ABCB5: variants seen among roughly 807,000 people sequenced by gnomAD.
ABCB5 encodes the protein ATP binding cassette subfamily B member 5, also known as ATP-binding cassette sub-family B member 5.
In ABCB5, 155 loss-of-function variants were observed where a neutral mutation model predicts 144.2. The observed-to-expected ratio is 1.08, with a 90% CI of 0.94 to 1.23. ABCB5 has a LOEUF of 1.23. ABCB5 is among the 50% of genes most tolerant of loss of function. ABCB5 has a pLI of 0.00. For missense variants in ABCB5, 1,830 were observed against 1,520.8 expected (o/e 1.20, Z -3.38); for synonymous variants, 610 against 528.6 (o/e 1.15, Z -2.11).
intron 16 of ABCB5, among the ~76,000 whole-genome samples, chr7:20,694,765 A>G (rs1470595438): frequency 6.6e-6 from 1 of 152,046 alleles, no homozygotes; most frequent in African/African-American, 2.4e-5. Context: ...ATATGTGACA[A>G]TATACTAAAA....
chr7:20,681,600 G>A lies in ABCB5; in HGVS notation c.1803G>A (p.Ala601=), dbSNP rs60403688. ...LIVTLKDGML[A]EKGAHAELMA... ...TGACCCTAAAGGATGGAATGCTGGC[G>A]GAGAAAGGAGCACATGCTGAACTAA... The change falls in exon 15 of 28, where the codon GCG becomes GCA. Residue 601 remains alanine, a synonymous_variant. Coordinates refer to ENST00000404938, the MANE Select transcript of ABCB5 (RefSeq NM_001163941.2). 2,066 of 1,614,140 alleles carry A rather than the reference G, an allele frequency of 1.3e-3. 14 individuals carry two copies. The African/African-American group carries it at 0.024, about 19-fold the overall frequency.
In ABCB5 at chr7:20,632,127, A is replaced by C. The variant is rs1316400186; in HGVS notation, c.314+14A>C. 1.3e-6 allele frequency: 2 copies of C among 1,486,528 alleles called. No homozygotes were observed. Among genetic ancestry groups the C allele is most frequent in the South Asian group, 1.3e-5 (1 of 76,018 alleles). 92.1% of individuals were successfully genotyped at this position (1,486,528 alleles called of 1,614,324 possible). A position where few individuals can be genotyped will look rare whatever the true frequency, so the allele number is the denominator to read the frequency against. On this transcript the variant is annotated intron_variant, in intron 5 of 27. Coordinates refer to ENST00000404938, the MANE Select transcript of ABCB5 (RefSeq NM_001163941.2). ...AGATATGACTCTGTAAGTCCAAATG[A>C]AACGTTAATATCACATTCGTTGAAT...
intron 20 of ABCB5, among the ~76,000 whole-genome samples, chr7:20,708,537 T>C (rs1225832441): frequency 6.6e-6 from 1 of 152,148 alleles, no homozygotes; most frequent in Non-Finnish European, 1.5e-5. Context: ...GGCCTTGAAT[T>C]CATAATATTG....
chr7:20,747,700 T>A (rs544835057), intron 26 of ABCB5, among the ~76,000 whole-genome samples: 118 of 152,226 alleles, frequency 7.8e-4, no homozygotes, highest in Non-Finnish European at 2.5e-4. Context: ...TTATTTCCTT[T>A]AACATTTTTT....
chr7:20,685,379 T>C (rs1021886481), intron 15 of ABCB5, among the ~76,000 whole-genome samples: 3 of 152,222 alleles, frequency 2.0e-5, no homozygotes, highest in Admixed American at 1.3e-4. Context: ...CAGTATCTTC[T>C]GTCTCAAAAA....
intron 20 of ABCB5, among the ~76,000 whole-genome samples, chr7:20,717,604 G>A (rs774827094): frequency 6.6e-6 from 1 of 151,748 alleles, no homozygotes; most frequent in African/African-American, 2.4e-5. Context: ...CACCATGCCC[G>A]GCTAATTTAT....
intron 14 of ABCB5, among the ~76,000 whole-genome samples, chr7:20,668,743 G>A (rs1480697705): frequency 6.3e-5 from 9 of 142,630 alleles, no homozygotes; most frequent in East Asian, 2.3e-4. Flanking sequence ...CCCCCCGCCC[G>A]GCCAGCCGCC....
intron 24 of ABCB5, among the ~76,000 whole-genome samples, chr7:20,740,763 T>C (rs1446513605): frequency 6.6e-6 from 1 of 152,174 alleles, no homozygotes; most frequent in Non-Finnish European, 1.5e-5. Flanking sequence ...ATTTAATCCT[T>C]ATTTTATTTA....
Position 20,646,157 on chromosome 7 carries a change from C to A in ABCB5, c.981+19C>A. 6.2e-7 allele frequency: 1 copy of A among 1,604,438 alleles called. No individual in the cohort carries two copies. The highest frequency in any genetic ancestry group is 8.5e-7 in the Non-Finnish European group (1 of 1,176,696). On this transcript the variant is annotated intron_variant, in intron 9 of 27. Coordinates refer to ENST00000404938, the MANE Select transcript of ABCB5 (RefSeq NM_001163941.2). ...TCTTGCTGTAAGTCTTGTTTGAGAACAAGGTGTCAGGCCTGGATAATCTTT... is the reference window on the plus strand; with the variant it reads ...TCTTGCTGTAAGTCTTGTTTGAGAAAAAGGTGTCAGGCCTGGATAATCTTT...
At chr7:20,744,905 G>GA (rs1262795463) in intron 25 of ABCB5, among the ~76,000 whole-genome samples, 1 of 152,160 alleles carries the variant, frequency 6.6e-6, no homozygotes, top group East Asian at 1.9e-4. Flanking sequence ...GTTGTTAAGA[G>GA]TGTTGTTATT....
At chr7:20,639,272 C>A (rs1562532240) in intron 5 of ABCB5, among the ~76,000 whole-genome samples, 3 of 152,274 alleles carry the variant, frequency 2.0e-5, no homozygotes, top group Non-Finnish European at 4.4e-5. Flanking sequence ...GTTGGATATA[C>A]AATTGGCAAA....
chr7:20,755,476 T>TG lies in ABCB5; in HGVS notation c.3628dup (p.Val1210GlyfsTer40). On this transcript the variant is annotated frameshift_variant, in exon 28 of 28. Transcript: ENST00000404938. LOFTEE classifies it high-confidence loss of function. The stretch of plus-strand genomic sequence containing the variant: ...GCCAGGACGGGAAGGACATGCCTAG[T>TG]GGTCACTCACAGGCTCTCTGCAATT... 6.2e-7 allele frequency: 1 copy of TG among 1,614,184 alleles called. No individual in the cohort carries two copies. Among genetic ancestry groups the TG allele is most frequent in the Non-Finnish European group, 8.5e-7 (1 of 1,180,040 alleles).
At chr7:20,697,952 A>G (rs958581192) in intron 16 of ABCB5, among the ~76,000 whole-genome samples, 2 of 152,258 alleles carry the variant, frequency 1.3e-5, no homozygotes, top group African/African-American at 4.8e-5. Context: ...TTGTAAATAC[A>G]TCTTGAAACT....
chr7:20,654,027 A>G (rs1784688571), intron 13 of ABCB5, among the ~76,000 whole-genome samples: 1 of 152,176 alleles, frequency 6.6e-6, no homozygotes, highest in African/African-American at 2.4e-5. Flanking sequence ...AAGCCATGAC[A>G]AGATGCCCAG....
Position 20,743,044 on chromosome 7 carries a change from G to A in ABCB5, c.3192G>A (p.Gln1064=). 6 of 1,614,090 alleles carry A rather than the reference G, an allele frequency of 3.7e-6. No individual in the cohort carries two copies. The highest frequency in any genetic ancestry group is 4.2e-6 in the Non-Finnish European group (5 of 1,179,968). ...CGKSTSVQLL[Q]RLYDPVQGQV... ...AAAGCACTTCTGTTCAACTTCTGCA[G>A]AGACTTTATGACCCCGTGCAAGGAC... Residue 1064 remains glutamine, a synonymous_variant, in exon 25 of 28, where the codon CAG becomes CAA. Transcript: ENST00000404938.
At chr7:20,655,317 C>T (rs1433216652) in intron 13 of ABCB5, among the ~76,000 whole-genome samples, 1 of 151,888 alleles carries the variant, frequency 6.6e-6, no homozygotes, top group South Asian at 2.1e-4. Flanking sequence ...ACTAAAAATA[C>T]AAAAAATTAG....
At chr7:20,707,114 A>G (rs763723501) in intron 20 of ABCB5, among the ~76,000 whole-genome samples, 13 of 152,204 alleles carry the variant, frequency 8.5e-5, no homozygotes, top group Non-Finnish European at 1.8e-4. Flanking sequence ...TTCCTATCAT[A>G]TTGACTTAAA....
chr7:20,637,284 C>G (rs1184246179), intron 5 of ABCB5, among the ~76,000 whole-genome samples: 1 of 152,154 alleles, frequency 6.6e-6, no homozygotes. Context: ...ATGCCCCTGT[C>G]TAATTTCTCA....
intron 5 of ABCB5, among the ~76,000 whole-genome samples, chr7:20,636,804 G>T (rs1345923213): frequency 1.5e-5 from 2 of 136,596 alleles, no homozygotes; most frequent in African/African-American, 5.3e-5. Context: ...AAAAAAAAAA[G>T]GAAGGAAGGA....
Sources: allele counts gnomAD v4.1 joint callset (sites outside exome capture counted in the v4.1 genomes callset), GRCh38; gene constraint gnomAD v4.1.1; transcripts MANE v1.5; gene names NCBI Gene and HGNC (gene_info 2026-07-23, HGNC 2026-07-21).